Variants in NOP14 observed in about 807,000 individuals in gnomAD.
NOP14 encodes NOP14 nucleolar protein.
NOP14 carries 57 observed loss-of-function variants against 101.6 expected under a neutral mutation model. That is an observed-to-expected ratio of 0.56 (90% CI 0.45 to 0.70). The LOEUF is 0.70. Among genes scored for constraint, NOP14 ranks in the 30% least tolerant of loss-of-function variants. The pLI is 0.00. For missense variants in NOP14, 1,134 were observed against 1,075.5 expected, an observed-to-expected ratio of 1.05 and a Z score of -0.76; for synonymous variants, 428 against 424.0, an observed-to-expected ratio of 1.01 and a Z score of -0.12.
intron 7 of NOP14, chr4:2,950,909 A>ATCTCG: frequency 5.2e-5 from 26 of 501,762 alleles, no homozygotes; most frequent in South Asian, 1.6e-4. Flanking sequence ...AGCGTGAGCA[A>ATCTCG]GTGAGTGCAC....
chr4:2,945,395 T>C (rs1037832027), intron 11 of NOP14, among the ~76,000 whole-genome samples, 166 bp from the exon 12 acceptor site: 1 of 152,144 alleles, frequency 6.6e-6, no homozygotes, highest in African/African-American at 2.4e-5. Flanking sequence ...CCAACCACCG[T>C]GGGTCAACCA....
At chr4:2,962,528 AAGGC>A (rs1287047429) in intron 1 of NOP14, among the ~76,000 whole-genome samples, 3 of 152,136 alleles carry the variant, frequency 2.0e-5, no homozygotes, top group Non-Finnish European at 4.4e-5. Context: ...GGGTAGCAAG[AAGGC>A]TTTGTAGATA....
chr4:2,951,115 T>C lies in NOP14; in HGVS notation c.1001A>G (p.Lys334Arg), dbSNP rs758506955. 3 of 1,604,842 alleles carry C rather than the reference T, an allele frequency of 1.9e-6. No homozygotes were observed. In the South Asian group the frequency reaches 3.3e-5, roughly 18 times the overall value. ...AGAAAATGAAGGCAAACATCTTACT[T>C]TGTAGGAAAGCAAACGCCTGTCATC... is the stretch of plus-strand genomic sequence containing the variant. Reference protein sequence around the residue: ...DKDDRRLLSYKDGKMNVEEDV... With the variant: ...DKDDRRLLSYRDGKMNVEEDV... Residue 334 changes from lysine to arginine, a missense_variant and splice_region_variant, in exon 7 of 18, where the codon AAA (lysine) becomes AGA (arginine). Physicochemically the swap from Lys to Arg is conservative, Grantham distance 26. Transcript: ENST00000416614.
intron 15 of NOP14, 26 bp from the exon 16 acceptor site, chr4:2,939,671 T>C: frequency 1.3e-6 from 2 of 1,553,240 alleles, no homozygotes; most frequent in Non-Finnish European, 8.9e-7. Flanking sequence ...TCCCCGACTC[T>C]GCGATGACTC....
In NOP14 at chr4:2,939,706, C is replaced by T. The variant is rs556840714; in HGVS notation, c.2200-61G>A. 2.9e-5 allele frequency: 37 copies of T among 1,263,778 alleles called. No individual in the cohort carries two copies. The Middle Eastern group carries it at 5.6e-4, about 19-fold the overall frequency. 78.3% of individuals were successfully genotyped at this position (1,263,778 alleles called of 1,614,324 possible). A position where few individuals can be genotyped will look rare whatever the true frequency, so the allele number is the denominator to read the frequency against. On this transcript the variant is annotated intron_variant, in intron 15 of 17. Transcript: ENST00000416614. ...CACCTGCTGCGTGCCCTGAGCTCCA[C>T]GCACGGGTTCTGTGGTGTCAAGGCA...
intron 1 of NOP14, among the ~76,000 whole-genome samples, chr4:2,960,821 A>C (rs1715740026): frequency 1.0e-5 from 1 of 98,988 alleles, no homozygotes; most frequent in Non-Finnish European, 2.0e-5. Context: ...TTATAATCAC[A>C]TTATCAATAT....
chr4:2,939,075 C>A, intron 17 of NOP14, 113 bp downstream of exon 17: 1 of 1,537,802 alleles, frequency 6.5e-7, no homozygotes, highest in South Asian at 1.2e-5. Context: ...GGCTCCAACC[C>A]CCAGCCAGAG....
chr4:2,952,416 ATTC>A lies in NOP14; in HGVS notation c.748-22_748-20del, dbSNP rs756532757. On this transcript the variant is annotated intron_variant, in intron 5 of 17. Transcript: ENST00000416614. ...CATCGGGCTAAGGTAGAAAGAAGAA[ATTC>A]TTCATTTTAAAAATATATTTATTTC... is the stretch of plus-strand genomic sequence containing the variant. 6 of 1,557,432 alleles carry A rather than the reference ATTC, an allele frequency of 3.9e-6. No homozygotes were observed. The Admixed American group carries it at 5.9e-5, about 15-fold the overall frequency.
chr4:2,948,196 G>T (rs931184247), intron 9 of NOP14, 82 bp downstream of exon 9: 38 of 1,481,596 alleles, frequency 2.6e-5, no homozygotes, highest in Non-Finnish European at 3.4e-5. Context: ...CATGGCCGTT[G>T]CACAACTTCA....
chr4:2,956,598 A>G, intron 3 of NOP14, 72 bp downstream of exon 3: 1 of 1,421,500 alleles, frequency 7.0e-7, no homozygotes, highest in Non-Finnish European at 9.5e-7. Context: ...TAAGAAGAGC[A>G]GAAGGTCTAA....
At chr4:2,951,502 C>T (rs1715026684) in intron 6 of NOP14, among the ~76,000 whole-genome samples, 2 of 152,226 alleles carry the variant, frequency 1.3e-5, no homozygotes, top group African/African-American at 4.8e-5. Context: ...GCCTATTATT[C>T]TGAGGCCTTC....
At position 2,956,783 on chromosome 4, in the gene NOP14, T is replaced by C. The variant is rs1226895779; in HGVS notation, c.359A>G (p.Asn120Ser). The C allele has an allele frequency of 4.4e-6, 7 of 1,607,176 alleles. No homozygotes were observed. The highest frequency in any genetic ancestry group is 5.1e-6 in the Non-Finnish European group (6 of 1,178,284). Residue 120 changes from asparagine to serine, a missense_variant, in exon 3 of 18, where the codon AAT becomes AGT. Transcript: ENST00000416614. ...QRHHEKKSIY[N>S]LNEDEELTHY... ...AGTCAATTCTTCATCTTCATTTAGATTGTAGATGCTTTTTTTCTCATGATG... is the reference window on the plus strand; with the variant it reads ...AGTCAATTCTTCATCTTCATTTAGACTGTAGATGCTTTTTTTCTCATGATG...
intron 1 of NOP14, among the ~76,000 whole-genome samples, chr4:2,958,432 T>C (rs996793629): frequency 6.6e-6 from 1 of 152,208 alleles, no homozygotes. Context: ...GATGGCCACA[T>C]TGCAAACTCT....
chr4:2,945,721 C>A (rs1232331795), intron 11 of NOP14, among the ~76,000 whole-genome samples: 2 of 152,218 alleles, frequency 1.3e-5, no homozygotes, highest in Non-Finnish European at 2.9e-5. Flanking sequence ...AAACCGAGAC[C>A]AATTTAAACC....
chr4:2,949,621 C>T (rs1056808135), intron 8 of NOP14, among the ~76,000 whole-genome samples: 2 of 152,206 alleles, frequency 1.3e-5, no homozygotes, highest in Non-Finnish European at 2.9e-5. Context: ...GATGCTCACC[C>T]ACCTCCCCAG....
rs531613284 is a variant in NOP14, at chr4:2,943,144, C to T, written c.1892-793G>A. On this transcript the variant is annotated intron_variant, in intron 13 of 17. Coordinates refer to ENST00000416614, the MANE Select transcript of NOP14 (RefSeq NM_001291978.2). Reference sequence around the variant, plus strand: ...GCCGCGCCCCTCTGGCGCCCAGCACCGAGCCTGACAGACAGGAGCCTTGGG... The same window carrying T: ...GCCGCGCCCCTCTGGCGCCCAGCACTGAGCCTGACAGACAGGAGCCTTGGG... Among the ~76,000 whole-genome samples the T allele has an allele frequency of 2.5e-3, 379 of 152,340 alleles. 1 individual carries two copies. Among genetic ancestry groups the T allele is most frequent in the Non-Finnish European group, 3.8e-3 (257 of 68,022 alleles).
At chr4:2,949,106 A>C (rs1423141049) in intron 8 of NOP14, among the ~76,000 whole-genome samples, 1 of 152,184 alleles carries the variant, frequency 6.6e-6, no homozygotes, top group Non-Finnish European at 1.5e-5. Context: ...TTGCCACCAG[A>C]GGGCACTTCA....
intron 2 of NOP14, 143 bp from the exon 3 acceptor site, chr4:2,956,954 A>G (rs188137313): frequency 5.0e-5 from 34 of 676,946 alleles, no homozygotes; most frequent in African/African-American, 3.3e-4. Context: ...ATTTTGGGTC[A>G]ACTAAGCAAT....
chr4:2,957,816 A>C, intron 1 of NOP14, 76 bp from the exon 2 acceptor site: 1 of 1,495,062 alleles, frequency 6.7e-7, no homozygotes, highest in Non-Finnish European at 9.1e-7. Flanking sequence ...AACAGTGCAT[A>C]CTTTAAAGTT....
Sources: gnomAD v4.1 joint callset for allele counts (sites outside exome capture counted in the v4.1 genomes callset) on GRCh38, gnomAD v4.1.1 for gene constraint, MANE v1.5 for transcripts, NCBI Gene and HGNC (gene_info 2026-07-23, HGNC 2026-07-21) for gene names.